Variants in PLEKHH2 observed in about 807,000 individuals in gnomAD.
PLEKHH2 encodes the protein pleckstrin homology, MyTH4 and FERM domain containing H2.
In PLEKHH2, 129 loss-of-function variants were observed where a neutral mutation model predicts 187.9. That is an observed-to-expected ratio of 0.69 (90% CI 0.59 to 0.79). PLEKHH2 has a LOEUF of 0.79. PLEKHH2 is among the 30% of genes least tolerant of loss of function. The pLI, the probability that PLEKHH2 is intolerant of heterozygous loss-of-function variation, is 0.00. For missense variants in PLEKHH2, 2,076 were observed against 1,751.2 expected, an observed-to-expected ratio of 1.19 and a Z score of -3.31; for synonymous variants, 686 against 605.6, an observed-to-expected ratio of 1.13 and a Z score of -1.95.
In PLEKHH2 at chr2:43,742,846, T is replaced by C; in HGVS notation, c.3327T>C (p.Thr1109=). The C allele has an allele frequency of 6.2e-7, 1 of 1,610,104 alleles. No individual in the cohort carries two copies. Among genetic ancestry groups the C allele is most frequent in the South Asian group, 1.1e-5 (1 of 90,170 alleles). The stretch of plus-strand genomic sequence containing the variant: ...CCTCAAGGATGGAAATTCTTTCAAC[T>C]CTTCTCCGAAACCCTTATCACCATT... ...ARPSRMEILS[T]LLRNPYHHSL... Residue 1109 remains threonine, a synonymous_variant, in exon 22 of 30, where the codon ACT becomes ACC. Coordinates refer to ENST00000282406, the MANE Select transcript of PLEKHH2 (RefSeq NM_172069.4).
intron 4 of PLEKHH2, among the ~76,000 whole-genome samples, chr2:43,694,168 T>G (rs1668973271): frequency 6.6e-6 from 1 of 152,238 alleles, no homozygotes; most frequent in Admixed American, 6.5e-5. Context: ...GTTGATAAAT[T>G]CAGTGGATTG....
intron 1 of PLEKHH2, among the ~76,000 whole-genome samples, chr2:43,640,981 C>G (rs1300571793): frequency 2.3e-5 from 3 of 133,212 alleles, no homozygotes; most frequent in Non-Finnish European, 4.8e-5. Flanking sequence ...TTAATAAAGA[C>G]AGGGTTTTGC....
chr2:43,705,924 T>C (rs1669634858), intron 9 of PLEKHH2, among the ~76,000 whole-genome samples: 2 of 152,172 alleles, frequency 1.3e-5, no homozygotes, highest in South Asian at 4.1e-4. Flanking sequence ...GTGGTTTTGA[T>C]ACCATGCTGG....
intron 23 of PLEKHH2, 32 bp downstream of exon 23, chr2:43,744,021 C>G: frequency 6.3e-7 from 1 of 1,596,486 alleles, no homozygotes. Context: ...GAGCCAAGCC[C>G]AACGAACAGC....
chr2:43,643,610 A>G (rs2104323467), intron 1 of PLEKHH2, among the ~76,000 whole-genome samples: 1 of 152,120 alleles, frequency 6.6e-6, no homozygotes, highest in East Asian at 1.9e-4. Context: ...ACAAAAGAAT[A>G]GAATAGTATA....
rs1249931229 is a variant in PLEKHH2, at chr2:43,735,066, T to A, written c.2944-3275T>A. 2.0e-5 allele frequency among the ~76,000 whole-genome samples: 3 copies of A among 152,266 alleles called. No individual in the cohort carries two copies. The East Asian group carries it at 5.8e-4, about 29-fold the overall frequency. On this transcript the variant is annotated intron_variant, in intron 19 of 29. Transcript: ENST00000282406. Reference sequence around the variant, plus strand: ...TTAACTGGGCGTAGTGGTGCATTCCTGTAATCCCAGCTACTAGGGAGGCTG... The same window carrying A: ...TTAACTGGGCGTAGTGGTGCATTCCAGTAATCCCAGCTACTAGGGAGGCTG...
At chr2:43,714,953 G>T (rs1046894890) in intron 15 of PLEKHH2, among the ~76,000 whole-genome samples, 1 of 152,140 alleles carries the variant, frequency 6.6e-6, no homozygotes, top group Non-Finnish European at 1.5e-5. Flanking sequence ...TGGGTGGAGG[G>T]GTGGTACTCT....
intron 2 of PLEKHH2, among the ~76,000 whole-genome samples, chr2:43,653,498 A>C (rs578253562): frequency 7.2e-4 from 109 of 152,380 alleles, no homozygotes; most frequent in African/African-American, 2.6e-3. Flanking sequence ...TCAAGGTCCC[A>C]TGTAACTTCT....
chr2:43,713,592 A>G (rs2104525191), intron 15 of PLEKHH2, among the ~76,000 whole-genome samples: 1 of 152,066 alleles, frequency 6.6e-6, no homozygotes, highest in Non-Finnish European at 1.5e-5. Flanking sequence ...ATTTATAGAA[A>G]AATGTCTGGG....
In PLEKHH2 at chr2:43,742,864, T is replaced by A; in HGVS notation, c.3345T>A (p.Tyr1115Ter). ...TTTCAACTCTTCTCCGAAACCCTTATCACCATTCTTTGCCCTTTAGTATAC... is the reference window on the plus strand; with the variant it reads ...TTTCAACTCTTCTCCGAAACCCTTAACACCATTCTTTGCCCTTTAGTATAC... ...EILSTLLRNP[Y>*]HHSLPFSIPV... The change falls in exon 22 of 30, where the codon TAT (tyrosine) becomes TAA (stop). Residue 1115 changes from tyrosine (Y) to a stop codon, truncating the protein, a stop_gained. Transcript: ENST00000282406. LOFTEE classifies it high-confidence loss of function. The A allele has an allele frequency of 6.2e-7, 1 of 1,608,228 alleles. No homozygotes were observed. The highest frequency in any genetic ancestry group is 2.2e-5 in the East Asian group (1 of 44,456).
intron 3 of PLEKHH2, among the ~76,000 whole-genome samples, chr2:43,689,315 A>C (rs1261155500): frequency 6.6e-6 from 1 of 152,206 alleles, no homozygotes. Flanking sequence ...TTCTCCTAGA[A>C]GTAAAGAAGC....
chr2:43,710,694 G>T lies in PLEKHH2; in HGVS notation c.2301+119G>T, dbSNP rs766503783. ...AGTGTTTCTTTATTCACTTTGGGGG[G>T]TTAGTTTGATGCCTTGGAAGTATGT... On this transcript the variant is annotated intron_variant, in intron 14 of 29. Coordinates refer to ENST00000282406, the MANE Select transcript of PLEKHH2 (RefSeq NM_172069.4). 3.3e-5 allele frequency: 48 copies of T among 1,466,324 alleles called. No individual in the cohort carries two copies. The East Asian group carries it at 1.1e-3, about 35-fold the overall frequency. 90.8% of individuals were successfully genotyped at this position (1,466,324 alleles called of 1,614,324 possible).
At chr2:43,731,706 C>A (rs1671048996) in intron 19 of PLEKHH2, 104 bp downstream of exon 19, 1 of 720,782 alleles carries the variant, frequency 1.4e-6, no homozygotes, top group Non-Finnish European at 2.2e-6. Flanking sequence ...CAAAATTTTA[C>A]TCCAAGAAAA....
chr2:43,756,135 C>G (rs530050581), intron 25 of PLEKHH2, among the ~76,000 whole-genome samples: 36 of 152,222 alleles, frequency 2.4e-4, no homozygotes, highest in African/African-American at 6.3e-4. Flanking sequence ...ACTGTATATC[C>G]TGGGAAGGAC....
chr2:43,720,564 T>C (rs1670432812), intron 15 of PLEKHH2, 105 bp from the exon 16 acceptor site: 1 of 1,537,598 alleles, frequency 6.5e-7, no homozygotes, highest in African/African-American at 1.4e-5. Context: ...CACTTATATC[T>C]GGGCAAACTG....
chr2:43,641,394 C>G (rs547992313), intron 1 of PLEKHH2, among the ~76,000 whole-genome samples: 1 of 152,102 alleles, frequency 6.6e-6, no homozygotes, highest in Non-Finnish European at 1.5e-5. Flanking sequence ...TTAGAGCAAG[C>G]GTGTCCAACC....
rs1160566485 is a variant in PLEKHH2, at chr2:43,726,252, A to G, written c.2542-20A>G. The G allele has an allele frequency of 6.5e-7, 1 of 1,545,380 alleles. No homozygotes were observed. The highest frequency in any genetic ancestry group is 8.9e-7 in the Non-Finnish European group (1 of 1,126,914). On this transcript the variant is annotated intron_variant, in intron 16 of 29. Transcript: ENST00000282406. ...AGATTTAGAAAATGCCTTCCTCACA[A>G]TTACTAATATTTACTTTAGTTTCCT...
intron 17 of PLEKHH2, among the ~76,000 whole-genome samples, chr2:43,729,054 C>T (rs1022433292): frequency 6.6e-6 from 1 of 152,022 alleles, no homozygotes; most frequent in Non-Finnish European, 1.5e-5. Context: ...AGTAGAATAT[C>T]CTGCAGCCAT....
intron 20 of PLEKHH2, 139 bp from the exon 21 acceptor site, chr2:43,740,807 T>C: frequency 7.3e-7 from 1 of 1,374,954 alleles, no homozygotes; most frequent in African/African-American, 1.5e-5. Context: ...TGATAAATGC[T>C]GTAAACAGAT....
Sources: allele counts gnomAD v4.1 joint callset (sites outside exome capture counted in the v4.1 genomes callset), GRCh38; gene constraint gnomAD v4.1.1; transcripts MANE v1.5; gene names NCBI Gene and HGNC (gene_info 2026-07-23, HGNC 2026-07-21).